ATP2A3: variants seen among roughly 807,000 people sequenced by gnomAD.
ATP2A3 encodes sarcoplasmic/endoplasmic reticulum calcium ATPase 3.
In ATP2A3, 61 loss-of-function variants were observed where a neutral mutation model predicts 106.8. The observed-to-expected ratio is 0.57, with a 90% CI of 0.46 to 0.71. The LOEUF (loss-of-function observed/expected upper bound fraction) is 0.71, where lower values mean the gene tolerates loss of function less well. Ranked by LOEUF, ATP2A3 falls within the 30% of genes least tolerant of loss-of-function variation. The probability of loss-of-function intolerance (pLI) is 0.00; values close to 1 mark genes in which losing one functional copy is unlikely to be tolerated. For synonymous variants in ATP2A3, 611 were observed against 609.3 expected (o/e 1.00, Z -0.04); for missense variants, 1,201 against 1,423.5 (o/e 0.84, Z 2.52).
In ATP2A3 at chr17:3,940,043, G is replaced by GTTTT. The variant is rs1294599615; in HGVS notation, c.2100+924_2100+927dup. 9.2e-4 allele frequency among the ~76,000 whole-genome samples: 81 copies of GTTTT among 87,590 alleles called. 1 individual carries two copies. The highest frequency in any genetic ancestry group is 1.1e-3 in the African/African-American group (20 of 17,538). The allele number at this position is 87,590 out of a possible 152,430, so 57.5% of individuals were successfully genotyped here. On this transcript the variant is annotated intron_variant, in intron 14 of 20. Coordinates refer to ENST00000397041, the MANE Select transcript of ATP2A3 (RefSeq NM_005173.4). ...TAATGTGTCATATCTTTTTTTTTTTGTTTTTTGTTTTTTTTTTTTTTGGAG... is the reference window on the plus strand; with the variant it reads ...TAATGTGTCATATCTTTTTTTTTTTGTTTTTTTTTTGTTTTTTTTTTTTTTGGAG...
chr17:3,964,113 A>T, intron 1 of ATP2A3, 61 bp downstream of exon 1: 1 of 940,292 alleles, frequency 1.1e-6, no homozygotes, highest in Non-Finnish European at 1.3e-6. Flanking sequence ...GCAGGAGGGG[A>T]AACTGAGACT....
intron 17 of ATP2A3, chr17:3,934,842 T>C: frequency 3.5e-6 from 1 of 283,304 alleles, no homozygotes; most frequent in East Asian, 7.9e-5. Context: ...ATTCTTGATC[T>C]CCTCAGTTTG....
intron 1 of ATP2A3, among the ~76,000 whole-genome samples, chr17:3,961,230 C>T (rs758302757): frequency 6.6e-6 from 1 of 152,140 alleles, no homozygotes; most frequent in Non-Finnish European, 1.5e-5. Flanking sequence ...TTACTGTATA[C>T]CTTTTGAACC....
At chr17:3,956,043 A>G (rs943361417) in intron 1 of ATP2A3, among the ~76,000 whole-genome samples, 3 of 151,972 alleles carry the variant, frequency 2.0e-5, no homozygotes, top group East Asian at 3.9e-4. Context: ...CACCACGCCC[A>G]GCTAATTTTT....
rs1316529150 is a variant in ATP2A3 at position 3,924,057 on chromosome 17, G to A, written c.*1365C>T. 1 of 152,282 alleles carries A rather than the reference G, an allele frequency of 6.6e-6. No homozygotes were observed. Among genetic ancestry groups the A allele is most frequent in the Non-Finnish European group, 1.5e-5 (1 of 68,070 alleles). 9.4% of individuals were successfully genotyped at this position (152,282 alleles called of 1,614,324 possible). ...CTGGCCGCCCAGAACCTGTGAGAGG[G>A]AGGAGGGGTGAGGCGTAGGGGAGGG... On this transcript the variant is annotated 3_prime_UTR_variant, in exon 21 of 21. Coordinates refer to ENST00000397041, the MANE Select transcript of ATP2A3 (RefSeq NM_005173.4). The surrounding 1 kb of genome is among the most constrained non-coding windows in gnomAD (Gnocchi z 6.4).
intron 1 of ATP2A3, among the ~76,000 whole-genome samples, chr17:3,963,896 CG>C (rs1021243972): frequency 2.0e-5 from 3 of 151,996 alleles, no homozygotes; most frequent in Non-Finnish European, 2.9e-5. Flanking sequence ...CCAGGGTGGA[CG>C]GGGCCGGAGT....
At position 3,929,343 on chromosome 17, in the gene ATP2A3, G is replaced by A. The variant is rs753981500; in HGVS notation, c.2847C>T (p.Leu949=). Residue 949 remains leucine, a synonymous_variant, in exon 19 of 21, where the codon CTC becomes CTT. Transcript: ENST00000397041. The surrounding 1 kb of genome is among the most constrained non-coding windows in gnomAD (Gnocchi z 4.3). ...MSMALHFLIL[L]VPPLPLIFQV... The stretch of plus-strand genomic sequence containing the variant: ...GGTGACTCACAGGCAGGGGCGGCAC[G>A]AGCAGGATGAGGAAGTGCAGGGCCA... The A allele has an allele frequency of 7.7e-6, 12 of 1,552,514 alleles. No individual in the cohort carries two copies. Among genetic ancestry groups the A allele is most frequent in the East Asian group, 2.4e-5 (1 of 41,094 alleles).
chr17:3,942,610 A>G lies in ATP2A3; in HGVS notation c.1541T>C (p.Val514Ala). ...HPTGQGSKMFVKGAPESVIER... is the reference protein window; with the variant it reads ...HPTGQGSKMFAKGAPESVIER... ...GCCAGCCAGGCAGGCCCCCACCTTC[A>G]CAAACATCTTGCTGCCCTGGCCAGT... Residue 514 changes from valine (V) to alanine (A), a missense_variant, in exon 12 of 21, where the codon GTG becomes GCG. This residue lies in a region of ATP2A3 where 935 missense variants were observed against 1,176.7 expected (regional missense o/e 0.79). Coordinates refer to ENST00000397041, the MANE Select transcript of ATP2A3 (RefSeq NM_005173.4). 6.2e-7 allele frequency: 1 copy of G among 1,610,848 alleles called. No individual in the cohort carries two copies. Among genetic ancestry groups the G allele is most frequent in the Non-Finnish European group, 8.5e-7 (1 of 1,179,676 alleles).
At position 3,924,533 on chromosome 17, in the gene ATP2A3, G is replaced by A. The variant is rs560326758; in HGVS notation, c.*889C>T. ...GGCCGCACACTGGGCTGGGTAGAAG[G>A]GCGCCACGGTCAGGAACCTGAGGAT... On this transcript the variant is annotated 3_prime_UTR_variant, in exon 21 of 21. Transcript: ENST00000397041. This position sits in a 1 kb window ranked among gnomAD's most constrained non-coding sequence, Gnocchi z 6.4. 1.2e-3 allele frequency: 406 copies of A among 344,010 alleles called. 6 individuals are homozygous for A. The highest frequency in any genetic ancestry group is 8.5e-3 in the South Asian group (395 of 46,524). 21.3% of individuals were successfully genotyped at this position (344,010 alleles called of 1,614,324 possible).
In ATP2A3 at chr17:3,941,622, G is replaced by C. The variant is rs754893280; in HGVS notation, c.1578C>G (p.Ser526Arg). ...CTGTGCGGCTCCCCACGCGGACTGA[G>C]CTACAGCGCTCGATCACACTCTCAG... Reference protein sequence around the residue: ...GAPESVIERCSSVRVGSRTAP... With the variant: ...GAPESVIERCRSVRVGSRTAP... Residue 526 changes from serine (S) to arginine (R), a missense_variant, in exon 13 of 21, where the codon AGC (serine) becomes AGG (arginine). By Grantham distance (110) the Ser-to-Arg change is moderately radical. This residue lies in a region of ATP2A3 where 935 missense variants were observed against 1,176.7 expected (regional missense o/e 0.79). Coordinates refer to ENST00000397041, the MANE Select transcript of ATP2A3 (RefSeq NM_005173.4). 3 of 1,610,254 alleles carry C rather than the reference G, an allele frequency of 1.9e-6. No homozygotes were observed. The highest frequency in any genetic ancestry group is 1.7e-5 in the Admixed American group (1 of 60,010).
At chr17:3,934,141 C>T (rs532978260) in intron 17 of ATP2A3, among the ~76,000 whole-genome samples, 11 of 151,914 alleles carry the variant, frequency 7.2e-5, no homozygotes, top group Non-Finnish European at 1.2e-4. Context: ...TCAGGCTGGT[C>T]TTGAACTCCT....
Position 3,951,611 on chromosome 17 carries a change from G to A in ATP2A3, c.294C>T (p.Leu98=), listed in dbSNP as rs370397878. 84 of 1,413,558 alleles carry A rather than the reference G, an allele frequency of 5.9e-5. No homozygotes were observed. In the African/African-American group the frequency reaches 9.7e-4, roughly 16 times the overall value. The allele number at this position is 1,413,558 out of a possible 1,614,324, so 87.6% of individuals were successfully genotyped here. A position where few individuals can be genotyped will look rare whatever the true frequency, so the allele number is the denominator to read the frequency against. Reference sequence around the variant, plus strand: ...ACACGCCCACAATGGCGTTGGCCACGAGGATCAGCATGATGACCAGGGGCT... The same window carrying A: ...ACACGCCCACAATGGCGTTGGCCACAAGGATCAGCATGATGACCAGGGGCT... ...FVEPLVIMLI[L]VANAIVGVWQ... Residue 98 remains leucine, a synonymous_variant, in exon 4 of 21, where the codon CTC becomes CTT. Transcript: ENST00000397041.
chr17:3,956,642 C>T (rs12325787), intron 1 of ATP2A3, among the ~76,000 whole-genome samples: 21,685 of 152,220 alleles, frequency 0.14, 1,936 homozygotes, highest in Middle Eastern at 0.23. Flanking sequence ...GGTGTCTGCT[C>T]CATCGACCTG....
chr17:3,933,919 T>C (rs765396691), intron 17 of ATP2A3, among the ~76,000 whole-genome samples: 1 of 145,472 alleles, frequency 6.9e-6, no homozygotes, highest in Non-Finnish European at 1.5e-5. Context: ...TTGGTTTTCT[T>C]TTCTTTTCTT....
chr17:3,960,776 A>T lies in ATP2A3; in HGVS notation c.118+3398T>A, dbSNP rs577088718. Among the ~76,000 whole-genome samples the T allele has an allele frequency of 3.0e-4, 45 of 152,326 alleles. No homozygotes were observed. In the East Asian group the frequency reaches 8.5e-3, roughly 29 times the overall value. ...AGAGAACCAGCCGTTCAGTCGGCAC[A>T]ACTGCACAGAGAAGTTTAGTGACAG... is the stretch of plus-strand genomic sequence containing the variant. On this transcript the variant is annotated intron_variant, in intron 1 of 20. Coordinates refer to ENST00000397041, the MANE Select transcript of ATP2A3 (RefSeq NM_005173.4).
intron 17 of ATP2A3, among the ~76,000 whole-genome samples, chr17:3,933,882 CCT>C: frequency 6.6e-6 from 1 of 151,598 alleles, no homozygotes; most frequent in Non-Finnish European, 1.5e-5. Flanking sequence ...TGTCCTATTC[CCT>C]GTGTCCTGCA....
At position 3,943,981 on chromosome 17, in the gene ATP2A3, C is replaced by A. The variant is rs145083854; in HGVS notation, c.1288-459G>T. The stretch of plus-strand genomic sequence containing the variant: ...CCAGACAGCACAAGAACCAGGAGCC[C>A]CCCTGGCTTCCTCCCTGTCTCTTTC... On this transcript the variant is annotated intron_variant, in intron 10 of 20. Coordinates refer to ENST00000397041, the MANE Select transcript of ATP2A3 (RefSeq NM_005173.4). Among the ~76,000 whole-genome samples, 201 of 152,288 alleles carry A rather than the reference C, an allele frequency of 1.3e-3. 4 individuals are homozygous for A. In the East Asian group the frequency reaches 0.031, roughly 23 times the overall value.
In ATP2A3 at chr17:3,937,559, C is replaced by T; in HGVS notation, c.2178G>A (p.Val726=). Residue 726 remains valine, a synonymous_variant, in exon 15 of 21, where the codon GTG becomes GTA. Coordinates refer to ENST00000397041, the MANE Select transcript of ATP2A3 (RefSeq NM_005173.4). Reference sequence around the variant, plus strand: ...GCACCATCTCTGCCGCCGACTTGGCCACGGCCGTGCCTGAGCCCATGGCGA... The same window carrying T: ...GCACCATCTCTGCCGCCGACTTGGCTACGGCCGTGCCTGAGCCCATGGCGA... ...IGIAMGSGTA[V]AKSAAEMVLS... 6.2e-7 allele frequency: 1 copy of T among 1,614,144 alleles called. No individual in the cohort carries two copies. The highest frequency in any genetic ancestry group is 8.5e-7 in the Non-Finnish European group (1 of 1,180,034).
intron 17 of ATP2A3, among the ~76,000 whole-genome samples, chr17:3,933,620 CA>C (rs1466747197): frequency 1.3e-5 from 2 of 151,104 alleles, no homozygotes; most frequent in African/African-American, 4.9e-5. Flanking sequence ...CCTGTAGTCC[CA>C]GCTAATGGGG....
Sources: allele counts gnomAD v4.1 joint callset (sites outside exome capture counted in the v4.1 genomes callset), GRCh38; gene constraint gnomAD v4.1.1; regional missense constraint gnomAD v4.1.1; non-coding constraint Gnocchi (gnomAD v3.1); transcripts MANE v1.5; gene names NCBI Gene and HGNC (gene_info 2026-07-23, HGNC 2026-07-21).